The following SLC5A11 variants were observed in gnomAD, a reference collection of about 807,000 sequenced individuals.
The protein encoded by SLC5A11 is sodium/myo-inositol cotransporter 2.
In SLC5A11, 48 loss-of-function variants were observed where a neutral mutation model predicts 69.8. That is an observed-to-expected ratio of 0.69 (90% CI 0.55 to 0.87). SLC5A11 has a LOEUF of 0.87. SLC5A11 is among the 40% of genes least tolerant of loss of function. The pLI, the probability that SLC5A11 is intolerant of heterozygous loss-of-function variation, is 0.00. For synonymous variants in SLC5A11, 319 were observed against 342.4 expected (o/e 0.93, Z 0.75); for missense variants, 784 against 866.1 (o/e 0.91, Z 1.19).
chr16:24,853,786 T>C (rs2059414432), intron 1 of SLC5A11, among the ~76,000 whole-genome samples: 4 of 152,238 alleles, frequency 2.6e-5, no homozygotes, highest in Admixed American at 2.6e-4. Context: ...CTCAAAGGGC[T>C]GTGCTCCATG....
At chr16:24,856,488 T>C (rs1289228032) in intron 1 of SLC5A11, among the ~76,000 whole-genome samples, 1 of 150,160 alleles carries the variant, frequency 6.7e-6, no homozygotes, top group Non-Finnish European at 1.5e-5. Context: ...GCGCAGTGGC[T>C]CACGTCTGTA....
chr16:24,849,587 AAAAAAAATATATATATATATATAT>A (rs2059184292), intron 1 of SLC5A11, among the ~76,000 whole-genome samples: 1 of 81,876 alleles, frequency 1.2e-5, no homozygotes, highest in African/African-American at 4.4e-5. Context: ...AAAAAAAAAA[AAAAAAAATATATATATATATATAT>A]ATATATATAT....
At position 24,907,007 on chromosome 16, in the gene SLC5A11, C is replaced by T. The variant is rs1245583557; in HGVS notation, c.1115-18C>T. On this transcript the variant is annotated intron_variant, in intron 11 of 15. Coordinates refer to ENST00000347898, the Ensembl canonical transcript of SLC5A11. ...GGCAGAAAAGGACCGAGGCCCATGACCTCCCTTCCGCCCCCAGGGCTCCGT... is the reference window on the plus strand; with the variant it reads ...GGCAGAAAAGGACCGAGGCCCATGATCTCCCTTCCGCCCCCAGGGCTCCGT... The T allele has an allele frequency of 6.2e-7, 1 of 1,611,900 alleles. No homozygotes were observed. The highest frequency in any genetic ancestry group is 1.1e-5 in the South Asian group (1 of 90,780).
rs111261051 is a variant in SLC5A11 at position 24,866,445 on chromosome 16, A to G, written c.208-3456A>G. Among the ~76,000 whole-genome samples the G allele has an allele frequency of 2.1e-3, 319 of 151,794 alleles. 1 individual carries two copies. The highest frequency in any genetic ancestry group is 3.0e-3 in the Admixed American group (45 of 15,206). ...GAAACTCCACCTCTACCAAAAATGC[A>G]CATGTGCCTGTAGTCCCAGCTACTC... is the stretch of plus-strand genomic sequence containing the variant. On this transcript the variant is annotated intron_variant, in intron 3 of 15. Coordinates refer to ENST00000347898, the Ensembl canonical transcript of SLC5A11.
At chr16:24,900,356 G>C (rs71391584) in intron 10 of SLC5A11, among the ~76,000 whole-genome samples, 1 of 152,192 alleles carries the variant, frequency 6.6e-6, no homozygotes, top group Non-Finnish European at 1.5e-5. Flanking sequence ...CAGAAGCTTA[G>C]TCAAAATAAT....
At chr16:24,860,242 G>A (rs552239320) in intron 2 of SLC5A11, among the ~76,000 whole-genome samples, 19 of 152,102 alleles carry the variant, frequency 1.2e-4, no homozygotes, top group Non-Finnish European at 1.9e-4. Context: ...AGCCGAGATC[G>A]TGCCACTGCA....
intron 1 of SLC5A11, among the ~76,000 whole-genome samples, chr16:24,851,270 T>G (rs1204067999): frequency 6.6e-6 from 1 of 151,100 alleles, no homozygotes; most frequent in African/African-American, 2.4e-5. Flanking sequence ...CCCAGCACTT[T>G]GGGAGGCCAA....
chr16:24,884,431 A>G (rs1183932293), intron 8 of SLC5A11, among the ~76,000 whole-genome samples: 3 of 151,962 alleles, frequency 2.0e-5, no homozygotes, highest in Non-Finnish European at 4.4e-5. Context: ...CCTGGGCTCA[A>G]GTGACTCTCT....
intron 7 of SLC5A11, 21 bp from the exon 9 acceptor site, chr16:24,884,030 C>T (rs1169770013): frequency 6.2e-7 from 1 of 1,612,636 alleles, no homozygotes; most frequent in African/African-American, 1.3e-5. Context: ...CTGACCCTCA[C>T]CTCCGTGCTC....
intron 3 of SLC5A11, among the ~76,000 whole-genome samples, chr16:24,867,168 AAT>A (rs1307883966): frequency 4.3e-4 from 65 of 152,350 alleles, no homozygotes; most frequent in African/African-American, 1.5e-3. Flanking sequence ...TGATTGAAAT[AAT>A]ACAAAGTGTG....
chr16:24,848,052 A>T (rs2059106850), intron 1 of SLC5A11, among the ~76,000 whole-genome samples: 2 of 152,162 alleles, frequency 1.3e-5, no homozygotes, highest in South Asian at 2.1e-4. Flanking sequence ...TCCTTTGGGG[A>T]TATACAGCAG....
chr16:24,900,917 C>CT (rs2049532871), intron 10 of SLC5A11, among the ~76,000 whole-genome samples: 1 of 124,014 alleles, frequency 8.1e-6, no homozygotes, highest in Non-Finnish European at 1.6e-5. Context: ...GACCCTATCT[C>CT]TAAAAAAAAA....
At chr16:24,848,971 G>A (rs2059147691) in intron 1 of SLC5A11, among the ~76,000 whole-genome samples, 2 of 152,044 alleles carry the variant, frequency 1.3e-5, no homozygotes, top group African/African-American at 4.8e-5. Flanking sequence ...AAGAGAGAAT[G>A]GAATTGGGAG....
intron 13 of SLC5A11, 150 bp downstream of exon 14, chr16:24,908,281 G>A (rs2050224978): frequency 1.1e-6 from 1 of 901,050 alleles, no homozygotes; most frequent in South Asian, 1.8e-5. Context: ...GATACAGGGA[G>A]GGTGTTTATC....
intron 8 of SLC5A11, among the ~76,000 whole-genome samples, chr16:24,888,785 T>TA (rs1450830119): frequency 1.7e-4 from 15 of 90,730 alleles, no homozygotes; most frequent in African/African-American, 8.9e-4. Flanking sequence ...TGCCTGTCCT[T>TA]TTTTTTTTTT....
intron 7 of SLC5A11, among the ~76,000 whole-genome samples, chr16:24,883,818 C>T (rs139724621): frequency 1.1e-4 from 16 of 152,336 alleles, no homozygotes; most frequent in African/African-American, 3.4e-4. Flanking sequence ...AGTCACGTGG[C>T]CAAGCCCATG....
chr16:24,898,185 A>G, intron 10 of SLC5A11, 76 bp downstream of exon 11: 1 of 1,519,086 alleles, frequency 6.6e-7, no homozygotes, highest in Admixed American at 2.0e-5. Context: ...ACATATTATT[A>G]GAAGCCTCAA....
intron 1 of SLC5A11, among the ~76,000 whole-genome samples, chr16:24,851,903 T>C (rs1184118689): frequency 8.5e-5 from 13 of 152,262 alleles, no homozygotes; most frequent in African/African-American, 2.9e-4. Flanking sequence ...GGAGAGTCTG[T>C]TGCTCATAAT....
intron 5 of SLC5A11, among the ~76,000 whole-genome samples, chr16:24,872,825 C>T (rs1187073663): frequency 1.3e-5 from 2 of 150,244 alleles, no homozygotes; most frequent in Non-Finnish European, 3.0e-5. Flanking sequence ...CCATGCCCAG[C>T]CTATGTTTCT....
Sources: gnomAD v4.1 joint callset for allele counts (sites outside exome capture counted in the v4.1 genomes callset) on GRCh38, gnomAD v4.1.1 for gene constraint, MANE v1.5 for transcripts, NCBI Gene and HGNC (gene_info 2026-07-23, HGNC 2026-07-21) for gene names.